Variants in JPH3 observed in about 807,000 individuals in gnomAD.
The protein encoded by JPH3 is junctophilin-3.
JPH3 carries 11 observed loss-of-function variants against 59.6 expected under a neutral mutation model. That is an observed-to-expected ratio of 0.18 (90% CI 0.12 to 0.31). The LOEUF (loss-of-function observed/expected upper bound fraction) is 0.31, where lower values mean the gene tolerates loss of function less well. JPH3 is among the 10% of genes least tolerant of loss of function. The pLI, the probability that JPH3 is intolerant of heterozygous loss-of-function variation, is 1.00. For missense variants in JPH3, 1,202 were observed against 1,105.7 expected, an observed-to-expected ratio of 1.09 and a Z score of -1.24; for synonymous variants, 673 against 483.6, an observed-to-expected ratio of 1.39 and a Z score of -5.14.
At chr16:87,637,422 T>TTGTGTGTGTGTG (rs35239550) in intron 1 of JPH3, among the ~76,000 whole-genome samples, 35 of 147,604 alleles carry the variant, frequency 2.4e-4, no homozygotes, top group African/African-American at 7.5e-4. Flanking sequence ...GTGTGTGTGT[T>TTGTGTGTGTGTG]TGTGTGTGTG....
chr16:87,604,343 G>A (rs2030421987), intron 1 of JPH3: 3 of 1,440,422 alleles, frequency 2.1e-6, no homozygotes, highest in Non-Finnish European at 1.8e-6. Flanking sequence ...GATGGTTTCT[G>A]TGCAGGGAAC....
At chr16:87,662,297 G>A (rs757141904) in intron 2 of JPH3, among the ~76,000 whole-genome samples, 37 of 152,278 alleles carry the variant, frequency 2.4e-4, no homozygotes, top group African/African-American at 6.3e-4. Context: ...GTACTCTGTC[G>A]ATGTTTAAGG....
At chr16:87,658,516 A>G (rs1160587870) in intron 2 of JPH3, among the ~76,000 whole-genome samples, 3 of 148,864 alleles carry the variant, frequency 2.0e-5, no homozygotes, top group Admixed American at 6.7e-5. Flanking sequence ...GTTCTCTGTC[A>G]CTCCGTTTCT....
intron 1 of JPH3, among the ~76,000 whole-genome samples, chr16:87,625,246 C>T (rs901276344): frequency 1.3e-5 from 2 of 152,304 alleles, no homozygotes; most frequent in South Asian, 2.1e-4. Context: ...GTGAGGTCTG[C>T]GTTTGGAGGA....
rs532856253 is a variant in JPH3 at position 87,628,716 on chromosome 16, G to A, written c.383-15542G>A. 9.8e-5 allele frequency among the ~76,000 whole-genome samples: 15 copies of A among 152,318 alleles called. No homozygotes were observed. The East Asian group carries it at 2.3e-3, about 24-fold the overall frequency. ...TCAGTGGCCCGTGGAAACCCCTAGC[G>A]TGGCCCGGATGTGTGGTGAGTGGCC... is the stretch of plus-strand genomic sequence containing the variant. On this transcript the variant is annotated intron_variant, in intron 1 of 4. Transcript: ENST00000284262.
chr16:87,602,268 C>A (rs1192491821), upstream of JPH3: 1 of 141,938 alleles, frequency 7.0e-6, no homozygotes, highest in Non-Finnish European at 1.6e-5. Context: ...GGCTGGACCC[C>A]GGTTTCCAGT....
chr16:87,658,560 C>A (rs1232248864), intron 2 of JPH3, among the ~76,000 whole-genome samples: 2 of 152,176 alleles, frequency 1.3e-5, no homozygotes, highest in Non-Finnish European at 2.9e-5. Context: ...TCTCCCCAAC[C>A]CCCCTGTTTC....
intron 2 of JPH3, among the ~76,000 whole-genome samples, chr16:87,676,073 T>C (rs2033135096): frequency 6.6e-6 from 1 of 152,262 alleles, no homozygotes; most frequent in Non-Finnish European, 1.5e-5. Context: ...TAGATCACGA[T>C]GGTGGTGACC....
chr16:87,610,371 A>G (rs947524323), intron 1 of JPH3, among the ~76,000 whole-genome samples: 5 of 152,198 alleles, frequency 3.3e-5, no homozygotes, highest in African/African-American at 7.2e-5. Flanking sequence ...CAGTGCAGAA[A>G]GCTTTATTGG....
intron 4 of JPH3, among the ~76,000 whole-genome samples, chr16:87,691,085 C>CA (rs1329080771): frequency 3.6e-5 from 4 of 111,556 alleles, no homozygotes; most frequent in African/African-American, 1.3e-4. Flanking sequence ...CCTCACCCAG[C>CA]ACCCCCCCCC....
intron 4 of JPH3, among the ~76,000 whole-genome samples, chr16:87,691,457 A>T (rs2033570720): frequency 6.6e-6 from 1 of 152,050 alleles, no homozygotes; most frequent in Admixed American, 6.6e-5. Flanking sequence ...GGGTGTGAGG[A>T]CGCAGGGGGG....
chr16:87,690,199 G>T lies in JPH3; in HGVS notation c.1839G>T (p.Met613Ile). 2 of 1,602,854 alleles carry T rather than the reference G, an allele frequency of 1.2e-6. No homozygotes were observed. The highest frequency in any genetic ancestry group is 1.7e-6 in the Non-Finnish European group (2 of 1,175,276). Residue 613 changes from methionine (M) to isoleucine (I), a missense_variant, in exon 4 of 5, where the codon ATG becomes ATT. Transcript: ENST00000284262. The part of the protein sequence containing the change: ...LQEEKLSNYR[M>I]EMKPLLRMET... ...AGGAGAAGCTGAGCAACTACCGGATGGAGATGAAACCCTTGCTGAGGATGG... is the reference window on the plus strand; with the variant it reads ...AGGAGAAGCTGAGCAACTACCGGATTGAGATGAAACCCTTGCTGAGGATGG...
At chr16:87,691,578 G>T (rs968437543) in intron 4 of JPH3, among the ~76,000 whole-genome samples, 7 of 152,144 alleles carry the variant, frequency 4.6e-5, no homozygotes, top group African/African-American at 1.7e-4. Flanking sequence ...TGACCTAGGG[G>T]AGCTGTGGTT....
chr16:87,644,226 G>A (rs775937134), intron 1 of JPH3, 32 bp from the exon 2 acceptor site: 25 of 1,573,018 alleles, frequency 1.6e-5, no homozygotes, highest in Non-Finnish European at 2.2e-5. Context: ...CTCTGTCGCT[G>A]GGCACTCACC....
intron 4 of JPH3, chr16:87,696,051 A>T (rs1237080418): frequency 6.6e-6 from 3 of 455,988 alleles, no homozygotes; most frequent in Admixed American, 4.7e-5. Context: ...TTTGTTGAGG[A>T]AGGTGTGGTG....
At chr16:87,695,920 GGAGGCT>G (rs1366874185) in intron 4 of JPH3, 3 of 455,958 alleles carry the variant, frequency 6.6e-6, no homozygotes, top group Non-Finnish European at 1.3e-5. Flanking sequence ...GGGCTCCGGC[GGAGGCT>G]GAGGACTTGT....
At chr16:87,690,923 G>A (rs1172386105) in intron 4 of JPH3, among the ~76,000 whole-genome samples, 1 of 152,240 alleles carries the variant, frequency 6.6e-6, no homozygotes, top group Non-Finnish European at 1.5e-5. Flanking sequence ...GGAACCCAGA[G>A]GCGAAACAGC....
chr16:87,690,476 G>A lies in JPH3; in HGVS notation c.2116G>A (p.Val706Ile), dbSNP rs561740104. ...CTCCCCGCCCCAGAAATCCTTGCCT[G>A]TCGCTCTAGAGTCCGACGAGGAGAA... is the stretch of plus-strand genomic sequence containing the variant. Reference protein sequence around the residue: ...TFSPPQKSLPVALESDEENGD... With the variant: ...TFSPPQKSLPIALESDEENGD... Residue 706 changes from valine to isoleucine, a missense_variant, in exon 4 of 5, where the codon GTC (valine) becomes ATC (isoleucine). Transcript: ENST00000284262. 1.1e-5 allele frequency: 17 copies of A among 1,488,310 alleles called. No individual in the cohort carries two copies. The highest frequency in any genetic ancestry group is 1.4e-5 in the Non-Finnish European group (16 of 1,120,846). The allele number at this position is 1,488,310 out of a possible 1,614,324, so 92.2% of individuals were successfully genotyped here.
intron 2 of JPH3, among the ~76,000 whole-genome samples, chr16:87,658,450 CTCTG>C (rs1417664548): frequency 6.6e-6 from 1 of 151,194 alleles, no homozygotes; most frequent in Non-Finnish European, 1.5e-5. Context: ...CTGCTTTGCT[CTCTG>C]TCTCTCTGTC....
Sources: allele counts gnomAD v4.1 joint callset (sites outside exome capture counted in the v4.1 genomes callset), GRCh38; gene constraint gnomAD v4.1.1; transcripts MANE v1.5; gene names NCBI Gene and HGNC (gene_info 2026-07-23, HGNC 2026-07-21).